PSPC1: variants seen among roughly 807,000 people sequenced by gnomAD.
The protein encoded by PSPC1 is paraspeckle protein 1.
PSPC1 carries 14 observed loss-of-function variants against 51.6 expected under a neutral mutation model. That is an observed-to-expected ratio of 0.27 (90% CI 0.18 to 0.42). The LOEUF (loss-of-function observed/expected upper bound fraction) is 0.42. Among genes scored for constraint, PSPC1 ranks in the 10% least tolerant of loss-of-function variants. PSPC1 has a pLI of 1.00. For synonymous variants in PSPC1, 193 were observed against 231.9 expected, an observed-to-expected ratio of 0.83 and a Z score of 1.53; for missense variants, 406 against 701.1, an observed-to-expected ratio of 0.58 and a Z score of 4.75.
At chr13:19,681,508 G>T (rs969319665) in intron 6 of PSPC1, among the ~76,000 whole-genome samples, 1 of 152,062 alleles carries the variant, frequency 6.6e-6, no homozygotes, top group Admixed American at 6.6e-5. Flanking sequence ...TACAACATAC[G>T]AATTGTAAAA....
chr13:19,708,665 G>GAGT (rs1881011284), intron 7 of PSPC1, among the ~76,000 whole-genome samples: 1 of 152,166 alleles, frequency 6.6e-6, no homozygotes, highest in Admixed American at 6.6e-5. Context: ...TTCCCTTGAT[G>GAGT]AGTTATAGAC....
intron 6 of PSPC1, among the ~76,000 whole-genome samples, chr13:19,682,816 T>C (rs183703083): frequency 7.2e-5 from 11 of 152,024 alleles, no homozygotes; most frequent in Non-Finnish European, 1.5e-4. Flanking sequence ...AATCCCAGCA[T>C]TCTGGAAGGC....
At chr13:19,755,060 C>T (rs1886932874) in intron 3 of PSPC1, among the ~76,000 whole-genome samples, 1 of 151,908 alleles carries the variant, frequency 6.6e-6, no homozygotes, top group South Asian at 2.1e-4. Context: ...TGACAAAACT[C>T]TGTCTTTACA....
At chr13:19,733,433 C>T (rs1176151885) in intron 5 of PSPC1, among the ~76,000 whole-genome samples, 2 of 152,064 alleles carry the variant, frequency 1.3e-5, no homozygotes, top group Non-Finnish European at 2.9e-5. Flanking sequence ...GGGAGGATCA[C>T]TTGAGTGACA....
At chr13:19,678,548 C>A (rs568294030) in intron 6 of PSPC1, 2 of 152,178 alleles carry the variant, frequency 1.3e-5, no homozygotes, top group East Asian at 3.9e-4. Context: ...GAAATCATTA[C>A]CCTAGATCAG....
intron 2 of PSPC1, among the ~76,000 whole-genome samples, chr13:19,767,780 C>A (rs1038550905): frequency 6.6e-6 from 1 of 151,982 alleles, no homozygotes; most frequent in Non-Finnish European, 1.5e-5. Context: ...TATAAAATTT[C>A]TCAAGAAAAC....
chr13:19,755,597 A>C (rs560321931), intron 3 of PSPC1, among the ~76,000 whole-genome samples: 2 of 152,168 alleles, frequency 1.3e-5, no homozygotes, highest in Admixed American at 1.3e-4. Flanking sequence ...TCAAAAAAAA[A>C]AAAAACAATA....
chr13:19,720,181 A>G (rs1300458312), intron 6 of PSPC1, among the ~76,000 whole-genome samples: 1 of 152,224 alleles, frequency 6.6e-6, no homozygotes, highest in Non-Finnish European at 1.5e-5. Context: ...GACAAACAAT[A>G]CTAGCAATAA....
intron 1 of PSPC1, among the ~76,000 whole-genome samples, chr13:19,774,962 G>A (rs1888962975): frequency 6.6e-6 from 1 of 151,840 alleles, no homozygotes; most frequent in East Asian, 1.9e-4. Context: ...AATCCTTGAG[G>A]CCAGGAGTTT....
At chr13:19,717,061 A>C (rs901124104) in intron 6 of PSPC1, among the ~76,000 whole-genome samples, 5 of 151,720 alleles carry the variant, frequency 3.3e-5, no homozygotes, top group African/African-American at 9.7e-5. Context: ...CTGCATCTCA[A>C]AAAAAACAAA....
intron 6 of PSPC1, among the ~76,000 whole-genome samples, chr13:19,693,519 C>G (rs890220666): frequency 6.6e-6 from 1 of 152,042 alleles, no homozygotes; most frequent in African/African-American, 2.4e-5. Flanking sequence ...TACTAAATGA[C>G]GGATATTCTA....
intron 6 of PSPC1, among the ~76,000 whole-genome samples, chr13:19,691,209 T>C (rs192251934): frequency 5.9e-5 from 9 of 152,184 alleles, no homozygotes; most frequent in East Asian, 3.9e-4. Context: ...TGTGTGAACA[T>C]TGATAAAGAT....
At chr13:19,711,483 A>G (rs1881413694) in intron 6 of PSPC1, among the ~76,000 whole-genome samples, 1 of 151,686 alleles carries the variant, frequency 6.6e-6, no homozygotes, top group Admixed American at 6.6e-5. Context: ...AAAAATACAA[A>G]AAAAATTAGC....
intron 1 of PSPC1, among the ~76,000 whole-genome samples, chr13:19,781,145 CAAAAAAAA>C (rs531065939): frequency 5.7e-5 from 4 of 70,674 alleles, no homozygotes; most frequent in Admixed American, 4.9e-4. Flanking sequence ...GACCCAGTCT[CAAAAAAAA>C]AAAAAAAAAA....
chr13:19,774,791 A>T (rs1888930130), intron 1 of PSPC1, among the ~76,000 whole-genome samples: 1 of 148,978 alleles, frequency 6.7e-6, no homozygotes, highest in Admixed American at 6.7e-5. Flanking sequence ...GGTGTCAGGG[A>T]CAGACTCTGT....
chr13:19,732,914 G>A (rs1468662056), intron 5 of PSPC1, among the ~76,000 whole-genome samples: 1 of 135,454 alleles, frequency 7.4e-6, no homozygotes, highest in Non-Finnish European at 1.5e-5. Context: ...ACAATACAGC[G>A]AGACTCCATC....
intron 6 of PSPC1, among the ~76,000 whole-genome samples, chr13:19,718,173 G>A (rs1163922276): frequency 2.0e-5 from 3 of 152,062 alleles, no homozygotes; most frequent in Non-Finnish European, 2.9e-5. Context: ...TTGAAATTCA[G>A]GCAATTAAAA....
chr13:19,777,064 C>T (rs1231499648), intron 1 of PSPC1, among the ~76,000 whole-genome samples: 1 of 144,678 alleles, frequency 6.9e-6, no homozygotes, highest in Non-Finnish European at 1.5e-5. Context: ...GGCAAGGCTG[C>T]AGTGAGCCCA....
chr13:19,725,058 TC>T (rs1419007204), intron 6 of PSPC1, among the ~76,000 whole-genome samples: 2 of 151,948 alleles, frequency 1.3e-5, no homozygotes, highest in Admixed American at 6.6e-5. Context: ...GTGCCTGTAA[TC>T]CCAGATACTC....
Sources: allele counts gnomAD v4.1 joint callset (sites outside exome capture counted in the v4.1 genomes callset), GRCh38; gene constraint gnomAD v4.1.1; transcripts MANE v1.5; gene names NCBI Gene and HGNC (gene_info 2026-07-23, HGNC 2026-07-21).